The following POLA1 variants were observed in gnomAD, a reference collection of about 807,000 sequenced individuals.
POLA1 encodes the protein DNA polymerase alpha catalytic subunit.
A neutral mutation model predicts 124.0 loss-of-function variants in POLA1; 15 were observed. The ratio of observed to expected loss-of-function variants is 0.12; its 90% CI spans 0.08 to 0.19. The LOEUF (loss-of-function observed/expected upper bound fraction) is 0.19. Ranked by LOEUF, POLA1 falls within the 10% of genes least tolerant of loss-of-function variation. The probability of loss-of-function intolerance (pLI) is 1.00; values close to 1 mark genes in which losing one functional copy is unlikely to be tolerated. For missense variants in POLA1, 886 were observed against 1,103.4 expected, an observed-to-expected ratio of 0.80 and a Z score of 2.79; for synonymous variants, 408 against 389.4, an observed-to-expected ratio of 1.05 and a Z score of -0.56.
intron 35 of POLA1, among the ~76,000 whole-genome samples, chrX:24,907,733 C>T (rs777026686): frequency 1.8e-5 from 2 of 111,974 alleles, no homozygotes; most frequent in South Asian, 7.4e-4. Flanking sequence ...GGAAGTTATT[C>T]AGAGAGAGGG....
At chrX:24,926,888 G>A (rs1056115536) in intron 35 of POLA1, among the ~76,000 whole-genome samples, 3 of 109,117 alleles carry the variant, frequency 2.7e-5, no homozygotes. Context: ...CTGGAGTGCC[G>A]TGGCGTGATC....
chrX:24,936,409 A>G (rs928082326), intron 36 of POLA1, among the ~76,000 whole-genome samples: 3 of 112,209 alleles, frequency 2.7e-5, no homozygotes, highest in African/African-American at 9.7e-5. Context: ...AAGCTAGTTG[A>G]CATCCTTAGA....
chrX:24,789,862 G>T (rs1248777259), intron 26 of POLA1, among the ~76,000 whole-genome samples: 7 of 110,681 alleles, frequency 6.3e-5, no homozygotes, highest in Non-Finnish European at 1.3e-4. Context: ...CTTGAAAGCC[G>T]CTGAGTGCCT....
intron 4 of POLA1, among the ~76,000 whole-genome samples, chrX:24,711,476 G>A (rs1238884480): frequency 1.8e-5 from 2 of 112,342 alleles, no homozygotes; most frequent in Non-Finnish European, 3.8e-5. Context: ...TCCTTGGAAG[G>A]ACATTTAGAT....
At chrX:24,933,479 G>A (rs1322184108) in intron 36 of POLA1, among the ~76,000 whole-genome samples, 1 of 111,770 alleles carries the variant, frequency 8.9e-6, no homozygotes, top group African/African-American at 3.3e-5. Flanking sequence ...CAAAAGTCCT[G>A]TGAAAAATGA....
chrX:24,951,177 A>G (rs1315574604), intron 36 of POLA1, among the ~76,000 whole-genome samples: 28 of 51,165 alleles, frequency 5.5e-4, no homozygotes, highest in Non-Finnish European at 8.9e-4. Context: ...TCCCCACCCC[A>G]CCCCCGCCCC....
chrX:24,761,573 G>A (rs966211888), intron 26 of POLA1, among the ~76,000 whole-genome samples: 2 of 111,505 alleles, frequency 1.8e-5, no homozygotes, highest in Non-Finnish European at 3.8e-5. Context: ...TCTGAGCCCT[G>A]ACCAACAGGG....
At chrX:24,801,599 G>A (rs577025511) in intron 26 of POLA1, among the ~76,000 whole-genome samples, 5 of 110,949 alleles carry the variant, frequency 4.5e-5, no homozygotes, top group Non-Finnish European at 7.5e-5. Flanking sequence ...GGGGAGTCTC[G>A]AGAAGGCTTT....
chrX:24,780,524 A>G (rs2045240282), intron 26 of POLA1, among the ~76,000 whole-genome samples: 1 of 111,998 alleles, frequency 8.9e-6, no homozygotes, highest in African/African-American at 3.2e-5. Flanking sequence ...GGATTTTTTC[A>G]AATGCCTTTT....
chrX:24,976,559 C>T (rs73471592), intron 36 of POLA1, among the ~76,000 whole-genome samples: 4,731 of 112,148 alleles, frequency 0.042, 249 homozygotes, highest in African/African-American at 0.15. Flanking sequence ...GCTCCTGTCA[C>T]TTGATGAAAG....
rs140883245 is a variant in POLA1, at chrX:24,946,858, A to G, written c.4261+16309A>G. Among the ~76,000 whole-genome samples the G allele has an allele frequency of 9.9e-3, 1,105 of 111,816 alleles. 17 individuals are homozygous for G. Among genetic ancestry groups the G allele is most frequent in the African/African-American group, 0.034 (1,051 of 30,735 alleles). On this transcript the variant is annotated intron_variant, in intron 36 of 36. Coordinates refer to ENST00000379068, the MANE Select transcript of POLA1 (RefSeq NM_001330360.2). ...CTGACTCCATCCTCTTTTCTCTGCTATTTATTTCCTATTATGTCCTTCAAC... is the reference window on the plus strand; with the variant it reads ...CTGACTCCATCCTCTTTTCTCTGCTGTTTATTTCCTATTATGTCCTTCAAC...
intron 26 of POLA1, among the ~76,000 whole-genome samples, chrX:24,755,601 C>T (rs1337545041): frequency 1.8e-5 from 2 of 111,784 alleles, no homozygotes; most frequent in Non-Finnish European, 3.8e-5. Context: ...ATTTGTGCTG[C>T]AGAGATCTCT....
At chrX:24,856,572 A>G (rs2046648362) in intron 34 of POLA1, among the ~76,000 whole-genome samples, 1 of 111,952 alleles carries the variant, frequency 8.9e-6, no homozygotes, top group African/African-American at 3.2e-5. Context: ...ACATTGCCAA[A>G]CTATTTTTCA....
intron 2 of POLA1, among the ~76,000 whole-genome samples, chrX:24,700,124 C>T (rs1037509239): frequency 9.3e-6 from 1 of 107,314 alleles, no homozygotes; most frequent in Non-Finnish European, 1.9e-5. Context: ...TCAGGGCTTC[C>T]TGAGTATCTT....
At chrX:24,917,526 T>G (rs1278804951) in intron 35 of POLA1, among the ~76,000 whole-genome samples, 4 of 112,093 alleles carry the variant, frequency 3.6e-5, no homozygotes, top group Non-Finnish European at 7.5e-5. Flanking sequence ...TTATTCAAAA[T>G]ATCATGGAGG....
At chrX:24,964,873 A>G (rs2048205556) in intron 36 of POLA1, among the ~76,000 whole-genome samples, 1 of 112,157 alleles carries the variant, frequency 8.9e-6, no homozygotes, top group Non-Finnish European at 1.9e-5. Context: ...TTGCTATTTC[A>G]CCAATTGCAG....
chrX:24,841,507 A>G lies in POLA1; in HGVS notation c.3737-145A>G, dbSNP rs2046408861. The G allele has an allele frequency of 8.0e-6, 3 of 373,094 alleles. No individual in the cohort carries two copies. The South Asian group carries it at 2.1e-4, about 27-fold the overall frequency. 30.7% of individuals were successfully genotyped at this position (373,094 alleles called of 1,213,427 possible). A position where few individuals can be genotyped will look rare whatever the true frequency, so the allele number is the denominator to read the frequency against. The stretch of plus-strand genomic sequence containing the variant: ...TATTTATAAAGTATCTCTTGTAAAA[A>G]GAGAAGTCATTTGTCCATGTGCTTT... On this transcript the variant is annotated intron_variant, in intron 32 of 36. Transcript: ENST00000379068.
intron 10 of POLA1, among the ~76,000 whole-genome samples, chrX:24,719,901 G>A (rs1404820951): frequency 9.1e-6 from 1 of 109,540 alleles, no homozygotes; most frequent in Non-Finnish European, 1.9e-5. Context: ...TGAAACAATT[G>A]CACCAGCCTC....
chrX:24,877,607 T>C (rs1569347172), intron 34 of POLA1, among the ~76,000 whole-genome samples: 2 of 112,002 alleles, frequency 1.8e-5, no homozygotes, highest in East Asian at 5.6e-4. Context: ...CATGATGATT[T>C]GTGCTAAGGC....
Sources: allele counts gnomAD v4.1 joint callset (sites outside exome capture counted in the v4.1 genomes callset), GRCh38; gene constraint gnomAD v4.1.1; transcripts MANE v1.5; gene names NCBI Gene and HGNC (gene_info 2026-07-23, HGNC 2026-07-21).